Variants in ARMC5 observed in about 807,000 individuals in gnomAD.
ARMC5 encodes the protein armadillo repeat-containing protein 5.
ARMC5 carries 28 observed loss-of-function variants against 60.5 expected under a neutral mutation model. The observed-to-expected ratio is 0.46, with a 90% confidence interval of 0.34 to 0.63. ARMC5 has a LOEUF of 0.63. Among genes scored for constraint, ARMC5 ranks in the 30% least tolerant of loss-of-function variants. The pLI is 0.01. For missense variants in ARMC5, 1,189 were observed against 1,304.9 expected, an observed-to-expected ratio of 0.91 and a Z score of 1.37; for synonymous variants, 680 against 607.3, an observed-to-expected ratio of 1.12 and a Z score of -1.76.
At position 31,464,492 on chromosome 16, in the gene ARMC5, G is replaced by GC; in HGVS notation, c.1473dup (p.Ala492ArgfsTer46). The GC allele has an allele frequency of 1.9e-6, 3 of 1,607,028 alleles. No homozygotes were observed. Among genetic ancestry groups the GC allele is most frequent in the Non-Finnish European group, 2.5e-6 (3 of 1,177,264 alleles). On this transcript the variant is annotated frameshift_variant, in exon 4 of 6. Coordinates refer to ENST00000268314, the MANE Select transcript of ARMC5 (RefSeq NM_001105247.2). LOFTEE classifies it high-confidence loss of function. The surrounding 1 kb of genome is among the most constrained non-coding windows in gnomAD (Gnocchi z 7.6). ...CCGCCGGAGCCCATGGAGCCGGCCAGCCCCGCCCCGACCCCGACCTCGCTG... is the reference window on the plus strand; with the variant it reads ...CCGCCGGAGCCCATGGAGCCGGCCAGCCCCCGCCCCGACCCCGACCTCGCTG...
At chr16:31,458,804 C>T (rs1376591942), upstream of ARMC5, 2 of 1,529,628 alleles carry the variant, frequency 1.3e-6, no homozygotes, top group Non-Finnish European at 1.7e-6. Context: ...TCCCTCGCCT[C>T]TTCTGGCGCG....
At position 31,466,710 on chromosome 16, in the gene ARMC5, C is replaced by T. The variant is rs762770267; in HGVS notation, c.2629C>T (p.Arg877Trp). The change falls in exon 6 of 6, where the codon CGG becomes TGG. Residue 877 changes from arginine to tryptophan, a missense_variant. Physicochemically the swap from Arg to Trp is moderately radical, Grantham distance 101 (BLOSUM62 -3). This residue lies in a region of ARMC5 where 862 missense variants were observed against 1,071.2 expected (regional missense o/e 0.80). Transcript: ENST00000268314. The surrounding 1 kb of genome is among the most constrained non-coding windows in gnomAD (Gnocchi z 8.0). ...ESVGEVFRLG[R>W]PRLAAHCARW... is the part of the protein sequence containing the mutation. ...AGTGGGTGAGGTGTTCCGCCTGGGC[C>T]GGCCCCGGCTGGCTGCCCACTGTGC... The T allele has an allele frequency of 8.3e-6, 13 of 1,559,428 alleles. No individual in the cohort carries two copies. Among genetic ancestry groups the T allele is most frequent in the Middle Eastern group, 1.7e-4 (1 of 5,810 alleles).
chr16:31,458,870 T>G, upstream of ARMC5: 4 of 1,535,518 alleles, frequency 2.6e-6, no homozygotes, highest in Non-Finnish European at 3.5e-6. Flanking sequence ...GCTCCTGAGC[T>G]CACGAGCACG....
At chr16:31,465,155 G>T (rs1399915979) in intron 4 of ARMC5, 1 of 1,611,570 alleles carries the variant, frequency 6.2e-7, no homozygotes, top group Admixed American at 1.7e-5. Flanking sequence ...ATCTGGGCTG[G>T]TCTGTGCTTC....
chr16:31,465,713 C>A, intron 4 of ARMC5, 137 bp from the exon 5 acceptor site: 1 of 1,500,602 alleles, frequency 6.7e-7, no homozygotes, highest in Non-Finnish European at 8.8e-7. Context: ...GTCCCGAGCC[C>A]AGCACTGTCT....
At chr16:31,465,187 T>C in intron 4 of ARMC5, 1 of 1,598,544 alleles carries the variant, frequency 6.3e-7, no homozygotes, top group Non-Finnish European at 8.5e-7. Context: ...TGCCATTGGT[T>C]CAGCACTGTC....
intron 3 of ARMC5, among the ~76,000 whole-genome samples, chr16:31,463,280 A>G (rs1270705429): frequency 6.6e-6 from 1 of 151,854 alleles, no homozygotes; most frequent in Non-Finnish European, 1.5e-5. Context: ...TGTATTTTTA[A>G]TAGAGACAAG....
At chr16:31,460,602 G>A (rs1252229395) in intron 1 of ARMC5, among the ~76,000 whole-genome samples, 4 of 152,194 alleles carry the variant, frequency 2.6e-5, no homozygotes, top group Non-Finnish European at 5.9e-5. Flanking sequence ...GCAGTGGTAC[G>A]CGCCTGTAGT....
Position 31,464,784 on chromosome 16 carries a change from T to C in ARMC5, c.1761T>C (p.Tyr587=), listed in dbSNP as rs1158140620. 6.3e-7 allele frequency: 1 copy of C among 1,599,052 alleles called. No homozygotes were observed. Among genetic ancestry groups the C allele is most frequent in the Non-Finnish European group, 8.5e-7 (1 of 1,179,142 alleles). Residue 587 remains tyrosine (Y), a synonymous_variant, in exon 4 of 6, where the codon TAT becomes TAC. Transcript: ENST00000268314. The surrounding 1 kb of genome is among the most constrained non-coding windows in gnomAD (Gnocchi z 7.6). ...PACLEAFVRS[Y]GAALLRAWLV... ...GCCTCGAGGCCTTCGTGCGCAGCTA[T>C]GGCGCGGCGCTGCTGCGGGCCTGGC...
In ARMC5 at chr16:31,459,843, T is replaced by C. The variant is rs983210811; in HGVS notation, c.319T>C (p.Ser107Pro). 21 of 1,576,720 alleles carry C rather than the reference T, an allele frequency of 1.3e-5. No individual in the cohort carries two copies. Among genetic ancestry groups the C allele is most frequent in the African/African-American group, 9.5e-5 (7 of 73,982 alleles). Residue 107 changes from serine to proline, a missense_variant, in exon 1 of 6, where the codon TCG becomes CCG. By Grantham distance (74) the Ser-to-Pro change is moderately conservative. Around this residue, in one of 2 missense-constraint regions of ARMC5, gnomAD observed 327 missense variants for 233.7 expected, o/e 1.40. Coordinates refer to ENST00000268314, the MANE Select transcript of ARMC5 (RefSeq NM_001105247.2). The stretch of plus-strand genomic sequence containing the variant: ...GGGAGCTTCTAGCCCCGCCCCCGCG[T>C]CGGGCCCCGCCCCCTCCGCTGTGTC... ...ASGASSPAPA[S>P]GPAPSAVSSS... is the part of the protein sequence containing the mutation.
chr16:31,459,857 C>T lies in ARMC5; in HGVS notation c.333C>T (p.Pro111=), dbSNP rs932874365. The change falls in exon 1 of 6, where the codon CCC becomes CCT. Residue 111 remains proline (P), a synonymous_variant. Coordinates refer to ENST00000268314, the MANE Select transcript of ARMC5 (RefSeq NM_001105247.2). ...SSPAPASGPA[P]SAVSSSSPTP... ...CCGCCCCCGCGTCGGGCCCCGCCCC[C>T]TCCGCTGTGTCGTCGTCTAGTCCTA... 18 of 1,597,584 alleles carry T rather than the reference C, an allele frequency of 1.1e-5. No individual in the cohort carries two copies. The highest frequency in any genetic ancestry group is 3.5e-4 in the Middle Eastern group (2 of 5,648).
At chr16:31,459,187 C>T (rs528250287), upstream of ARMC5, 8 of 1,521,272 alleles carry the variant, frequency 5.3e-6, no homozygotes, top group South Asian at 9.7e-5. Context: ...ACGAAGGCTC[C>T]GTGGTCGGAC....
Position 31,464,310 on chromosome 16 carries a change from A to AC in ARMC5, c.1371-84_1371-83insC. The AC allele has an allele frequency of 9.4e-7, 1 of 1,068,640 alleles. No homozygotes were observed. The highest frequency in any genetic ancestry group is 1.3e-6 in the Non-Finnish European group (1 of 797,720). 66.2% of individuals were successfully genotyped at this position (1,068,640 alleles called of 1,614,324 possible). On this transcript the variant is annotated intron_variant, in intron 3 of 5. Coordinates refer to ENST00000268314, the MANE Select transcript of ARMC5 (RefSeq NM_001105247.2). The surrounding 1 kb of genome is among the most constrained non-coding windows in gnomAD (Gnocchi z 7.6). Reference sequence around the variant, plus strand: ...ATTTCTTTAAAAAAAAAAAAAAAAAAAAAAAAGACGCCTCACGCCTCTTGG... The same window carrying AC: ...ATTTCTTTAAAAAAAAAAAAAAAAAACAAAAAAGACGCCTCACGCCTCTTGG...
In ARMC5 at chr16:31,462,570, C is replaced by T. The variant is rs781382967; in HGVS notation, c.1023C>T (p.Ser341=). The T allele has an allele frequency of 2.5e-6, 4 of 1,611,768 alleles. No homozygotes were observed. Among genetic ancestry groups the T allele is most frequent in the Non-Finnish European group, 3.4e-6 (4 of 1,179,900 alleles). Residue 341 remains serine (S), a synonymous_variant, in exon 3 of 6, where the codon AGC becomes AGT. Transcript: ENST00000268314. The surrounding 1 kb of genome is among the most constrained non-coding windows in gnomAD (Gnocchi z 7.2). ...AGCGCCGGGATCCTAATGGAGCTAG[C>T]CCAACCTCCCAGCAGCCCCTGGTGC... is the stretch of plus-strand genomic sequence containing the variant. ...LRQRRDPNGA[S]PTSQQPLVRA... is the part of the protein sequence containing the mutation.
intron 1 of ARMC5, among the ~76,000 whole-genome samples, chr16:31,461,262 T>C (rs2082301155): frequency 6.6e-6 from 1 of 152,126 alleles, no homozygotes; most frequent in South Asian, 2.1e-4. Flanking sequence ...GCATTCTCCC[T>C]ATGGATGTCA....
chr16:31,459,771 G>C lies in ARMC5; in HGVS notation c.247G>C (p.Ala83Pro), dbSNP rs758286564. 1 of 1,539,784 alleles carries C rather than the reference G, an allele frequency of 6.5e-7. No individual in the cohort carries two copies. The highest frequency in any genetic ancestry group is 2.0e-5 in the Admixed American group (1 of 51,114). Residue 83 changes from alanine to proline, a missense_variant, in exon 1 of 6, where the codon GCC (alanine) becomes CCC (proline). By Grantham distance (27) the Ala-to-Pro change is conservative. Coordinates refer to ENST00000268314, the MANE Select transcript of ARMC5 (RefSeq NM_001105247.2). ...LLRRAAAAGS[A>P]PSQAGPGSAP... ...ACGGCGAGCGGCTGCAGCGGGTTCC[G>C]CCCCGTCCCAGGCAGGCCCCGGCTC...
rs200852513 is a variant in ARMC5, at chr16:31,464,537, G to T, written c.1514G>T (p.Arg505Leu). 1.1e-3 allele frequency: 1,792 copies of T among 1,592,478 alleles called. No individual in the cohort carries two copies. Among genetic ancestry groups the T allele is most frequent in the Non-Finnish European group, 1.4e-3 (1,675 of 1,170,842 alleles). ...TCGCTGCGGGCACCACGCACCCAAC[G>T]CACTCCGGGCCGCAGCCCCGCCGCC... is the stretch of plus-strand genomic sequence containing the variant. ...PTSLRAPRTQ[R>L]TPGRSPAAAI... The change falls in exon 4 of 6, where the codon CGC becomes CTC. Residue 505 changes from arginine to leucine, a missense_variant. Transcript: ENST00000268314. This position sits in a 1 kb window ranked among gnomAD's most constrained non-coding sequence, Gnocchi z 7.6.
At chr16:31,458,633 C>T (rs1351370682), upstream of ARMC5, 8 of 1,441,428 alleles carry the variant, frequency 5.6e-6, no homozygotes, top group Non-Finnish European at 7.4e-6. Flanking sequence ...AGGCTTCTTC[C>T]TCCCCAGGGC....
Position 31,466,098 on chromosome 16 carries a change from C to T in ARMC5, c.2017C>T (p.Arg673Trp), listed in dbSNP as rs754756157. ...CTGTAGGAAGCCCTCTCTGTGGCGC[C>T]GGCTGCTTCTGGAGCAGGGTGGTCT... is the stretch of plus-strand genomic sequence containing the variant. Reference protein sequence around the residue: ...FICRKPSLWRRLLLEQGGLRL... With the variant: ...FICRKPSLWRWLLLEQGGLRL... Residue 673 changes from arginine to tryptophan, a missense_variant, in exon 6 of 6, where the codon CGG (arginine) becomes TGG (tryptophan). Physicochemically the swap from Arg to Trp is moderately radical, Grantham distance 101. Transcript: ENST00000268314. This position sits in a 1 kb window ranked among gnomAD's most constrained non-coding sequence, Gnocchi z 8.0. 5.6e-6 allele frequency: 9 copies of T among 1,600,410 alleles called. No individual in the cohort carries two copies. Among genetic ancestry groups the T allele is most frequent in the Non-Finnish European group, 4.2e-6 (5 of 1,179,116 alleles).
Sources: gnomAD v4.1 joint callset for allele counts (sites outside exome capture counted in the v4.1 genomes callset) on GRCh38, gnomAD v4.1.1 for gene constraint, gnomAD v4.1.1 regional missense constraint, Gnocchi (gnomAD v3.1) non-coding constraint, MANE v1.5 for transcripts, NCBI Gene and HGNC (gene_info 2026-07-23, HGNC 2026-07-21) for gene names.